The following EEF1AKMT2 variants were observed in gnomAD, a reference collection of about 807,000 sequenced individuals.
EEF1AKMT2 encodes the protein EEF1A lysine methyltransferase 2, also known as eukaryotic translation elongation factor 1 alpha lysine methyltransferase 2.
A neutral mutation model predicts 35.8 loss-of-function variants in EEF1AKMT2; 32 were observed. The ratio of observed to expected loss-of-function variants is 0.89; its 90% CI spans 0.67 to 1.20. The LOEUF (loss-of-function observed/expected upper bound fraction) is 1.20. EEF1AKMT2 is among the 50% of genes most tolerant of loss of function. The pLI is 0.00. For synonymous variants in EEF1AKMT2, 121 were observed against 133.7 expected, an observed-to-expected ratio of 0.91 and a Z score of 0.65; for missense variants, 330 against 347.5, an observed-to-expected ratio of 0.95 and a Z score of 0.40.
At chr10:124,783,033 C>T in intron 3 of EEF1AKMT2, 2 of 372,654 alleles carry the variant, frequency 5.4e-6, no homozygotes, top group East Asian at 1.5e-4. Context: ...AACAATATAA[C>T]ATGTAAAAAC....
chr10:124,776,588 G>T (rs1376467363), intron 3 of EEF1AKMT2, among the ~76,000 whole-genome samples: 2 of 151,980 alleles, frequency 1.3e-5, no homozygotes, highest in Non-Finnish European at 2.9e-5. Flanking sequence ...AGGAGTTCAA[G>T]ACCAGCCTGG....
At chr10:124,773,212 T>C (rs1000264693) in intron 4 of EEF1AKMT2, among the ~76,000 whole-genome samples, 1 of 152,166 alleles carries the variant, frequency 6.6e-6, no homozygotes, top group Non-Finnish European at 1.5e-5. Context: ...TTTATTTTTG[T>C]TTTTTGAGAC....
chr10:124,782,627 C>T lies in EEF1AKMT2; in HGVS notation c.291+6416G>A, dbSNP rs574220276. ...AAGAGTTCAAGACCAGCCTGGACAA[C>T]AGGGCGAAACCCCGTCTGTACTAAA... is the stretch of plus-strand genomic sequence containing the variant. On this transcript the variant is annotated intron_variant, in intron 3 of 6. Transcript: ENST00000368836. 7.9e-4 allele frequency among the ~76,000 whole-genome samples: 103 copies of T among 130,614 alleles called. 3 individuals carry two copies. In the South Asian group the frequency reaches 0.025, roughly 31 times the overall value. 85.7% of individuals were successfully genotyped at this position (130,614 alleles called of 152,430 possible).
chr10:124,764,720 A>G (rs1260433418), intron 5 of EEF1AKMT2, among the ~76,000 whole-genome samples: 5 of 152,244 alleles, frequency 3.3e-5, no homozygotes, highest in Non-Finnish European at 5.9e-5. Context: ...TAAAGTATCT[A>G]TAATATCAAA....
At chr10:124,785,058 C>T (rs183501823) in intron 3 of EEF1AKMT2, among the ~76,000 whole-genome samples, 5 of 151,694 alleles carry the variant, frequency 3.3e-5, no homozygotes, top group Admixed American at 2.6e-4. Flanking sequence ...ACCATCCTGG[C>T]CAATGTGGTG....
At chr10:124,775,690 C>T (rs1189568002) in intron 3 of EEF1AKMT2, among the ~76,000 whole-genome samples, 1 of 152,154 alleles carries the variant, frequency 6.6e-6, no homozygotes, top group African/African-American at 2.4e-5. Context: ...TAACTGATTC[C>T]TAATCTAAAC....
downstream of EEF1AKMT2, among the ~76,000 whole-genome samples, chr10:124,757,166 C>CCACACACACACACACACA (rs55709011): frequency 1.4e-4 from 20 of 143,282 alleles, no homozygotes; most frequent in African/African-American, 4.4e-4. Context: ...ACACTCCCTC[C>CCACACACACACACACACA]CACACACACA....
intron 3 of EEF1AKMT2, among the ~76,000 whole-genome samples, chr10:124,777,420 A>C (rs1950497324): frequency 6.6e-6 from 1 of 152,104 alleles, no homozygotes; most frequent in Non-Finnish European, 1.5e-5. Context: ...CTTAGGCTAC[A>C]TGGTATGGCT....
Position 124,762,501 on chromosome 10 carries a change from G to A in EEF1AKMT2, c.674C>T (p.Ala225Val), listed in dbSNP as rs899438170. The A allele has an allele frequency of 3.9e-6, 5 of 1,287,602 alleles. No homozygotes were observed. Among genetic ancestry groups the A allele is most frequent in the South Asian group, 1.3e-5 (1 of 79,098 alleles). The allele number at this position is 1,287,602 out of a possible 1,614,324, so 79.8% of individuals were successfully genotyped here. A position where few individuals can be genotyped will look rare whatever the true frequency, so the allele number is the denominator to read the frequency against. Residue 225 changes from alanine (A) to valine (V), a missense_variant, in exon 6 of 7, where the codon GCG becomes GTG. By Grantham distance (64) the Ala-to-Val change is moderately conservative. Coordinates refer to ENST00000368836, the MANE Select transcript of EEF1AKMT2 (RefSeq NM_212554.4). The stretch of plus-strand genomic sequence containing the variant: ...TCGGGAGGCTGAAGTGGAAAAGATC[G>A]CTTGAGCCCAGGAAGTCAAGGCTGC... ...LTAALTSWAQ[A>V]IFSTSASRVG...
intron 3 of EEF1AKMT2, among the ~76,000 whole-genome samples, chr10:124,777,911 T>G (rs1950501584): frequency 6.6e-6 from 1 of 152,162 alleles, no homozygotes; most frequent in Admixed American, 6.6e-5. Flanking sequence ...TGTGGTACAT[T>G]TCAACTGAAA....
chr10:124,762,945 T>A (rs1005514541), intron 5 of EEF1AKMT2, among the ~76,000 whole-genome samples: 2 of 152,208 alleles, frequency 1.3e-5, no homozygotes, highest in African/African-American at 4.8e-5. Flanking sequence ...CCCTACAGAA[T>A]TGGAGTTATT....
At chr10:124,788,729 T>TATATATATATATATATAC (rs57124028) in intron 3 of EEF1AKMT2, among the ~76,000 whole-genome samples, 5 of 141,320 alleles carry the variant, frequency 3.5e-5, no homozygotes, top group African/African-American at 1.3e-4. Flanking sequence ...TATATATATA[T>TATATATATATATATATAC]GCATTTCTAG....
At chr10:124,788,904 C>T (rs564494681) in intron 3 of EEF1AKMT2, 139 bp downstream of exon 3, 10 of 598,986 alleles carry the variant, frequency 1.7e-5, no homozygotes, top group African/African-American at 7.5e-5. Context: ...ATGTAGCCTC[C>T]CTTTTGTACT....
At chr10:124,785,699 G>C (rs796769357) in intron 3 of EEF1AKMT2, among the ~76,000 whole-genome samples, 2 of 151,820 alleles carry the variant, frequency 1.3e-5, no homozygotes, top group African/African-American at 4.8e-5. Context: ...TTCGAGACCA[G>C]CCTAGCCAAC....
chr10:124,774,844 T>G (rs2134131553), intron 3 of EEF1AKMT2, 62 bp from the exon 4 acceptor site: 1 of 799,322 alleles, frequency 1.3e-6, no homozygotes, highest in East Asian at 3.5e-5. Flanking sequence ...GTTTATGAAT[T>G]ATAATATTCC....
At chr10:124,788,576 A>T (rs1950606857) in intron 3 of EEF1AKMT2, among the ~76,000 whole-genome samples, 2 of 151,842 alleles carry the variant, frequency 1.3e-5, no homozygotes, top group South Asian at 2.1e-4. Context: ...CTGCAGGCAT[A>T]CAACAGTGAT....
chr10:124,789,732 T>C (rs1368102067), intron 2 of EEF1AKMT2, among the ~76,000 whole-genome samples: 2 of 147,652 alleles, frequency 1.4e-5, no homozygotes, highest in African/African-American at 5.1e-5. Context: ...TACTCCAGCC[T>C]GGATGACAGA....
chr10:124,783,956 C>G (rs917864117), intron 3 of EEF1AKMT2, among the ~76,000 whole-genome samples: 9 of 152,172 alleles, frequency 5.9e-5, no homozygotes, highest in Non-Finnish European at 1.2e-4. Flanking sequence ...TCCCGAGTAG[C>G]TGGGATTACA....
intron 4 of EEF1AKMT2, among the ~76,000 whole-genome samples, chr10:124,774,451 A>G (rs1461894273): frequency 6.9e-6 from 1 of 144,368 alleles, no homozygotes; most frequent in Non-Finnish European, 1.5e-5. Context: ...TATTATGTGT[A>G]TTTGCAAACA....
Sources: gnomAD v4.1 joint callset for allele counts (sites outside exome capture counted in the v4.1 genomes callset) on GRCh38, gnomAD v4.1.1 for gene constraint, MANE v1.5 for transcripts, NCBI Gene and HGNC (gene_info 2026-07-23, HGNC 2026-07-21) for gene names.